The following NOS3 variants were observed in gnomAD, a reference collection of about 807,000 sequenced individuals.
NOS3 encodes nitric oxide synthase 3.
Under a neutral mutation model 144.9 loss-of-function variants are expected in NOS3, and 98 were observed. The observed-to-expected ratio is 0.68, with a 90% CI of 0.57 to 0.80. The LOEUF (loss-of-function observed/expected upper bound fraction) is 0.80. Among genes scored for constraint, NOS3 ranks in the 30% least tolerant of loss-of-function variants. The pLI is 0.00. For synonymous variants in NOS3, 714 were observed against 702.4 expected, an observed-to-expected ratio of 1.02 and a Z score of -0.26; for missense variants, 1,465 against 1,656.4, an observed-to-expected ratio of 0.88 and a Z score of 2.01.
At position 150,993,808 on chromosome 7, in the gene NOS3, G is replaced by C; in HGVS notation, c.5G>C (p.Gly2Ala). The change falls in exon 2 of 27, where the codon GGC becomes GCC. Residue 2 changes from glycine (G) to alanine (A), a missense_variant. Physicochemically the swap from Gly to Ala is moderately conservative, Grantham distance 60. This residue lies in a region of NOS3 where 374 missense variants were observed against 377.0 expected (regional missense o/e 0.99). Coordinates refer to ENST00000297494, the MANE Select transcript of NOS3 (RefSeq NM_000603.5). This position sits in a 1 kb window ranked among gnomAD's most constrained non-coding sequence, Gnocchi z 4.0. M[G>A]NLKSVAQEPG... ...GCAGAGTGGACGCACAGTAACATGG[G>C]CAACTTGAAGAGCGTGGCCCAGGAG... 6.3e-7 allele frequency: 1 copy of C among 1,594,298 alleles called. No individual in the cohort carries two copies. The highest frequency in any genetic ancestry group is 8.5e-7 in the Non-Finnish European group (1 of 1,174,832).
In NOS3 at chr7:150,998,678, G is replaced by A. The variant is rs1490923378; in HGVS notation, c.814G>A (p.Glu272Lys). The change falls in exon 7 of 27, where the codon GAG (glutamate) becomes AAG (lysine). Residue 272 changes from glutamate (E) to lysine (K), a missense_variant and splice_region_variant. Glu to Lys is a moderately conservative substitution (Grantham distance 56, BLOSUM62 1). Around this residue, in one of 5 missense-constraint regions of NOS3, gnomAD observed 374 missense variants for 377.0 expected, o/e 0.99. Coordinates refer to ENST00000297494, the MANE Select transcript of NOS3 (RefSeq NM_000603.5). This position sits in a 1 kb window ranked among gnomAD's most constrained non-coding sequence, Gnocchi z 5.0. ...RGDPANVEIT[E>K]LCIQHGWTPG... ...GGACCCAGCCAACGTGGAGATCACC[G>A]AGGTGGGCACCGAGGGCCACCCATG... 1.5e-5 allele frequency: 24 copies of A among 1,605,692 alleles called. No individual in the cohort carries two copies. Among genetic ancestry groups the A allele is most frequent in the Middle Eastern group, 1.7e-4 (1 of 5,922 alleles).
intron 4 of NOS3, 29 bp from the exon 5 acceptor site, chr7:150,996,734 T>A: frequency 6.2e-7 from 1 of 1,608,016 alleles, no homozygotes; most frequent in Non-Finnish European, 8.5e-7. Flanking sequence ...ACTTCCTGCT[T>A]GTCCCCTTCC....
At chr7:151,005,296 C>T (rs1366010515) in intron 14 of NOS3, among the ~76,000 whole-genome samples, 2 of 152,240 alleles carry the variant, frequency 1.3e-5, no homozygotes, top group Non-Finnish European at 2.9e-5. Flanking sequence ...CTTGCTAACT[C>T]TGGCGCACTT....
Position 150,998,154 on chromosome 7 carries a change from G to A in NOS3, c.583-203G>A, listed in dbSNP as rs963909192. 1.3e-5 allele frequency among the ~76,000 whole-genome samples: 2 copies of A among 152,196 alleles called. No individual in the cohort carries two copies. The highest frequency in any genetic ancestry group is 2.9e-5 in the Non-Finnish European group (2 of 68,030). Reference sequence around the variant, plus strand: ...GGGATGGGGAGACACCTGGCCCAGGGAGGAGATGAGAAGCAGCCCGGATGG... The same window carrying A: ...GGGATGGGGAGACACCTGGCCCAGGAAGGAGATGAGAAGCAGCCCGGATGG... On this transcript the variant is annotated intron_variant, in intron 5 of 26. Transcript: ENST00000297494. The surrounding 1 kb of genome is among the most constrained non-coding windows in gnomAD (Gnocchi z 5.0).
chr7:150,995,335 C>G, intron 3 of NOS3, 21 bp downstream of exon 3: 2 of 1,539,272 alleles, frequency 1.3e-6, no homozygotes, highest in Non-Finnish European at 1.8e-6. Context: ...CATGCCCTGT[C>G]CCCATCGTCT....
rs1478559699 is a variant in NOS3, at chr7:150,994,065, A to C, written c.158+104A>C. On this transcript the variant is annotated intron_variant, in intron 2 of 26. Transcript: ENST00000297494. ...AACTTGTAGCTGAGTCGGGAGGGCC[A>C]GGTCACAAATGCAAAAGGGCTATTA... 3 of 1,281,294 alleles carry C rather than the reference A, an allele frequency of 2.3e-6. No homozygotes were observed. In the African/African-American group the frequency reaches 4.5e-5, roughly 19 times the overall value. The allele number at this position is 1,281,294 out of a possible 1,614,324, so 79.4% of individuals were successfully genotyped here. A position where few individuals can be genotyped will look rare whatever the true frequency, so the allele number is the denominator to read the frequency against.
chr7:151,006,521 C>T (rs759823886), intron 15 of NOS3, 27 bp downstream of exon 15: 7 of 1,579,620 alleles, frequency 4.4e-6, no homozygotes, highest in Non-Finnish European at 6.1e-6. Flanking sequence ...TTTGGGGGAG[C>T]TGGGGGAGCT....
rs748321553 is a variant in NOS3 at position 151,010,899 on chromosome 7, A to T, written c.2897A>T (p.Asp966Val). Reference protein sequence around the residue: ...TVAVLAYRTQDGLGPLHYGVC... With the variant: ...TVAVLAYRTQVGLGPLHYGVC... The stretch of plus-strand genomic sequence containing the variant: ...ACCGGCCTCTCCTTCCCACCCCCAG[A>T]TGGGCTGGGCCCCCTGCACTATGGA... The change falls in exon 23 of 27, where the codon GAT (aspartate) becomes GTT (valine). Residue 966 changes from aspartate to valine, a missense_variant and splice_region_variant. Physicochemically the swap from Asp to Val is radical, Grantham distance 152. Around this residue, in one of 5 missense-constraint regions of NOS3, gnomAD observed 106 missense variants for 167.7 expected, o/e 0.63. Coordinates refer to ENST00000297494, the MANE Select transcript of NOS3 (RefSeq NM_000603.5). 2 of 1,612,982 alleles carry T rather than the reference A, an allele frequency of 1.2e-6. No homozygotes were observed. The highest frequency in any genetic ancestry group is 2.2e-5 in the South Asian group (2 of 90,926).
intron 2 of NOS3, 89 bp from the exon 3 acceptor site, chr7:150,995,114 A>ACCTGCCGCAG: frequency 1.5e-6 from 1 of 679,278 alleles, no homozygotes; most frequent in Non-Finnish European, 2.5e-6. Context: ...TGAGATCGCC[A>ACCTGCCGCAG]GTGCTGTAAC....
chr7:150,994,757 C>G (rs775026032), intron 2 of NOS3, among the ~76,000 whole-genome samples: 1 of 152,166 alleles, frequency 6.6e-6, no homozygotes, highest in Non-Finnish European at 1.5e-5. Context: ...AGTGATAAGG[C>G]CTGCGAGGCT....
rs1375277806 is a variant in NOS3 at position 150,996,532 on chromosome 7, G to C, written c.399G>C (p.Gln133His). ...GTCAGGCCCGGGACTTCATCAACCA[G>C]TACTACAGCTCCATTAAGAGGTGAC... is the stretch of plus-strand genomic sequence containing the variant. Reference protein sequence around the residue: ...LLSQARDFINQYYSSIKRSGS... With the variant: ...LLSQARDFINHYYSSIKRSGS... The change falls in exon 4 of 27, where the codon CAG becomes CAC. Residue 133 changes from glutamine to histidine, a missense_variant. Around this residue, in one of 5 missense-constraint regions of NOS3, gnomAD observed 374 missense variants for 377.0 expected, o/e 0.99. Coordinates refer to ENST00000297494, the MANE Select transcript of NOS3 (RefSeq NM_000603.5). The C allele has an allele frequency of 1.9e-6, 3 of 1,605,608 alleles. No homozygotes were observed. Among genetic ancestry groups the C allele is most frequent in the Admixed American group, 1.7e-5 (1 of 59,530 alleles).
At chr7:151,010,562 T>C in intron 21 of NOS3, 35 bp from the exon 22 acceptor site, 2 of 1,519,780 alleles carry the variant, frequency 1.3e-6, no homozygotes, top group Admixed American at 2.0e-5. Context: ...GGAAGGGCTA[T>C]GGGGCCTCCA....
chr7:150,999,023 T>G lies in NOS3; in HGVS notation c.894T>G (p.Asp298Glu), dbSNP rs1799983. Residue 298 changes from aspartate to glutamate, a missense_variant, in exon 8 of 27, where the codon GAT (aspartate) becomes GAG (glutamate). Physicochemically the swap from Asp to Glu is conservative, Grantham distance 45 (BLOSUM62 2). Coordinates refer to ENST00000297494, the MANE Select transcript of NOS3 (RefSeq NM_000603.5). ...VLPLLLQAPD[D>E]PPELFLLPPE... ...CCCTGCTGCTGCAGGCCCCAGATGA[T>G]CCCCCAGAACTCTTCCTTCTGCCCC... The G allele has an allele frequency of 0.7, 1,128,115 of 1,612,084 alleles. 399,768 individuals are homozygous for G. The highest frequency in any genetic ancestry group is 0.9 in the East Asian group (40,518 of 44,830).
At chr7:151,013,086 C>T (rs752207255) in intron 24 of NOS3, 145 bp from the exon 25 acceptor site, 14 of 869,256 alleles carry the variant, frequency 1.6e-5, no homozygotes, top group Non-Finnish European at 2.5e-5. Flanking sequence ...GCATTCTACA[C>T]TCTCTTAGAG....
At chr7:151,000,280 A>G (rs371997472) in intron 9 of NOS3, among the ~76,000 whole-genome samples, 2 of 152,030 alleles carry the variant, frequency 1.3e-5, no homozygotes, top group South Asian at 2.1e-4. Context: ...TGAGAAATTA[A>G]AGCCTGGAGC....
Position 151,014,471 on chromosome 7 carries a change from C to CT in NOS3, c.*303dup, listed in dbSNP as rs1795398856. The CT allele has an allele frequency of 2.4e-6, 1 of 417,422 alleles. No homozygotes were observed. Among genetic ancestry groups the CT allele is most frequent in the Non-Finnish European group, 4.3e-6 (1 of 234,296 alleles). 25.9% of individuals were successfully genotyped at this position (417,422 alleles called of 1,614,324 possible). ...CGAATGTTAGATTCCTCTTGCCTCT[C>CT]TCAGGAGTATCTTACCTGTAAAGTC... is the stretch of plus-strand genomic sequence containing the variant. On this transcript the variant is annotated 3_prime_UTR_variant, in exon 27 of 27. Coordinates refer to ENST00000297494, the MANE Select transcript of NOS3 (RefSeq NM_000603.5).
At position 151,002,144 on chromosome 7, in the gene NOS3, G is replaced by A. The variant is rs2117119345; in HGVS notation, c.1648-56G>A. On this transcript the variant is annotated intron_variant, in intron 13 of 26. Coordinates refer to ENST00000297494, the MANE Select transcript of NOS3 (RefSeq NM_000603.5). The surrounding 1 kb of genome is among the most constrained non-coding windows in gnomAD (Gnocchi z 4.1). ...GCACTGCCAGGGAGGCCAGAGTGAG[G>A]AGGGCAGGGCCTCCGGGGGCCACAG... is the stretch of plus-strand genomic sequence containing the variant. 7.0e-7 allele frequency: 1 copy of A among 1,421,762 alleles called. No individual in the cohort carries two copies. Among genetic ancestry groups the A allele is most frequent in the Non-Finnish European group, 9.8e-7 (1 of 1,024,856 alleles). 88.1% of individuals were successfully genotyped at this position (1,421,762 alleles called of 1,614,324 possible).
chr7:151,003,396 G>C lies in NOS3; in HGVS notation c.1752+1092G>C. 8.2e-7 allele frequency: 1 copy of C among 1,226,760 alleles called. No homozygotes were observed. The highest frequency in any genetic ancestry group is 1.4e-5 in the South Asian group (1 of 70,430). The allele number at this position is 1,226,760 out of a possible 1,614,324, so 76.0% of individuals were successfully genotyped here. A position where few individuals can be genotyped will look rare whatever the true frequency, so the allele number is the denominator to read the frequency against. Reference sequence around the variant, plus strand: ...CTGCCTCGGCCTCCCAAAGTGCTGCGATTATAGACGTGAGCCACTGCACCT... The same window carrying C: ...CTGCCTCGGCCTCCCAAAGTGCTGCCATTATAGACGTGAGCCACTGCACCT... On this transcript the variant is annotated intron_variant, in intron 14 of 26. Transcript: ENST00000297494. This position sits in a 1 kb window ranked among gnomAD's most constrained non-coding sequence, Gnocchi z 4.1.
In NOS3 at chr7:150,998,059, C is replaced by A. The variant is rs1802472561; in HGVS notation, c.583-298C>A. ...GCGGCCTCTTAGACATCCGTTGGTGCCTAACCCAAGCATCAGTTTGGCAGA... is the reference window on the plus strand; with the variant it reads ...GCGGCCTCTTAGACATCCGTTGGTGACTAACCCAAGCATCAGTTTGGCAGA... On this transcript the variant is annotated intron_variant, in intron 5 of 26. Transcript: ENST00000297494. This position sits in a 1 kb window ranked among gnomAD's most constrained non-coding sequence, Gnocchi z 5.0. 6.6e-6 allele frequency among the ~76,000 whole-genome samples: 1 copy of A among 152,214 alleles called. No homozygotes were observed. Among genetic ancestry groups the A allele is most frequent in the African/African-American group, 2.4e-5 (1 of 41,442 alleles).
Sources: gnomAD v4.1 joint callset for allele counts (sites outside exome capture counted in the v4.1 genomes callset) on GRCh38, gnomAD v4.1.1 for gene constraint, gnomAD v4.1.1 regional missense constraint, Gnocchi (gnomAD v3.1) non-coding constraint, MANE v1.5 for transcripts, NCBI Gene and HGNC (gene_info 2026-07-23, HGNC 2026-07-21) for gene names.